MYO1E: variants seen among roughly 807,000 people sequenced by gnomAD.
MYO1E encodes myosin IE, also known as unconventional myosin-Ie.
Under a neutral mutation model 151.1 loss-of-function variants are expected in MYO1E, and 68 were observed. That is an observed-to-expected ratio of 0.45 (90% CI 0.37 to 0.55). MYO1E has a LOEUF of 0.55. Among genes scored for constraint, MYO1E ranks in the 20% least tolerant of loss-of-function variants. The pLI is 0.00. For missense variants in MYO1E, 1,363 were observed against 1,389.3 expected (o/e 0.98, Z 0.30); for synonymous variants, 601 against 501.7 (o/e 1.20, Z -2.64).
chr15:59,211,743 G>A (rs1438718238), intron 12 of MYO1E, among the ~76,000 whole-genome samples: 5 of 152,020 alleles, frequency 3.3e-5, no homozygotes, highest in Admixed American at 6.6e-5. Context: ...AGAATCACCC[G>A]TGATTGCTCT....
intron 14 of MYO1E, chr15:59,207,155 T>A: frequency 6.2e-7 from 1 of 1,614,156 alleles, no homozygotes; most frequent in Non-Finnish European, 8.5e-7. Context: ...CACAGTAAGG[T>A]CTCCATCATA....
Position 59,161,238 on chromosome 15 carries a change from A to G in MYO1E, c.2628-8T>C, listed in dbSNP as rs373053697. On this transcript the variant is annotated splice_region_variant and splice_polypyrimidine_tract_variant and intron_variant, in intron 23 of 27. Coordinates refer to ENST00000288235, the MANE Select transcript of MYO1E (RefSeq NM_004998.4). ...TTCAACTTCAGTTCAAGCCTGCAAA[A>G]AGCACAGTGGGGTTAACAGGTCGAA... 51 of 1,613,478 alleles carry G rather than the reference A, an allele frequency of 3.2e-5. No individual in the cohort carries two copies. In the African/African-American group the frequency reaches 6.7e-4, roughly 21 times the overall value.
chr15:59,215,239 G>C (rs1366455560), intron 10 of MYO1E, among the ~76,000 whole-genome samples: 1 of 152,122 alleles, frequency 6.6e-6, no homozygotes, highest in Non-Finnish European at 1.5e-5. Flanking sequence ...CATTATTTTT[G>C]AATTGATAAT....
chr15:59,356,454 T>G (rs757913858), intron 1 of MYO1E, among the ~76,000 whole-genome samples: 8 of 152,296 alleles, frequency 5.3e-5, no homozygotes, highest in Middle Eastern at 3.4e-3. Flanking sequence ...TTTTTTGGAG[T>G]AGATTTTAAG....
rs561210180 is a variant in MYO1E at position 59,176,443 on chromosome 15, T to C, written c.2049+1950A>G. On this transcript the variant is annotated intron_variant, in intron 19 of 27. Coordinates refer to ENST00000288235, the MANE Select transcript of MYO1E (RefSeq NM_004998.4). ...AGGTGAAACCACATGGTAGGTTTTC[T>C]TTTTCCTTTTTTTTTTTTTTTTCTT... Among the ~76,000 whole-genome samples the C allele has an allele frequency of 8.1e-3, 574 of 70,990 alleles. 1 individual carries two copies. Among genetic ancestry groups the C allele is most frequent in the Non-Finnish European group, 0.012 (472 of 39,868 alleles). 46.6% of individuals were successfully genotyped at this position (70,990 alleles called of 152,430 possible). A position where few individuals can be genotyped will look rare whatever the true frequency, so the allele number is the denominator to read the frequency against.
intron 26 of MYO1E, among the ~76,000 whole-genome samples, chr15:59,149,725 G>C (rs1262161678): frequency 6.6e-6 from 1 of 152,152 alleles, no homozygotes; most frequent in East Asian, 1.9e-4. Context: ...TACAGAAAAA[G>C]TGCACTGAGG....
intron 21 of MYO1E, among the ~76,000 whole-genome samples, chr15:59,172,620 A>C (rs2079602314): frequency 6.6e-6 from 1 of 152,228 alleles, no homozygotes; most frequent in Non-Finnish European, 1.5e-5. Context: ...ACATATCAGG[A>C]CAGCAGGTGT....
intron 10 of MYO1E, among the ~76,000 whole-genome samples, chr15:59,215,186 CGCTTAT>C (rs1254348764): frequency 6.6e-6 from 1 of 152,010 alleles, no homozygotes; most frequent in African/African-American, 2.4e-5. Context: ...TGTTCCTAGG[CGCTTAT>C]AGAGAGGGTG....
At chr15:59,313,232 G>T (rs1229855598) in intron 1 of MYO1E, among the ~76,000 whole-genome samples, 1 of 152,096 alleles carries the variant, frequency 6.6e-6, no homozygotes, top group Non-Finnish European at 1.5e-5. Flanking sequence ...AACCCAAATG[G>T]GGGTCCACAT....
chr15:59,187,420 G>A (rs1332892725), intron 18 of MYO1E, among the ~76,000 whole-genome samples: 6 of 152,178 alleles, frequency 3.9e-5, no homozygotes, highest in Non-Finnish European at 8.8e-5. Flanking sequence ...AGGATGGTTA[G>A]AAAATAACTT....
chr15:59,221,568 A>C (rs1244414354), intron 9 of MYO1E, among the ~76,000 whole-genome samples: 4 of 152,168 alleles, frequency 2.6e-5, no homozygotes, highest in Non-Finnish European at 5.9e-5. Context: ...AAAACCCCAA[A>C]TCAAAGGAAA....
At chr15:59,223,393 G>A (rs2079968544) in intron 8 of MYO1E, among the ~76,000 whole-genome samples, 2 of 151,744 alleles carry the variant, frequency 1.3e-5, no homozygotes, top group African/African-American at 2.4e-5. Context: ...ACAGCAGGAC[G>A]TTCTTGTACA....
At chr15:59,324,250 T>A (rs1393307486) in intron 1 of MYO1E, among the ~76,000 whole-genome samples, 4 of 151,992 alleles carry the variant, frequency 2.6e-5, no homozygotes, top group Non-Finnish European at 4.4e-5. Flanking sequence ...TCTGCAAGCA[T>A]CCAAAAGTGC....
At chr15:59,304,656 T>C (rs2080504011) in intron 1 of MYO1E, among the ~76,000 whole-genome samples, 4 of 152,224 alleles carry the variant, frequency 2.6e-5, no homozygotes, top group Admixed American at 2.6e-4. Flanking sequence ...CTATGCTCTG[T>C]TGCATCCTTA....
rs1036473071 is a variant in MYO1E at position 59,261,421 on chromosome 15, G to C, written c.236C>G (p.Ala79Gly). ...GEKEIEMYQG[A>G]AQYENPPHIY... ...TAATTTATGTGACACGTAACTTACC[G>C]CTCCTTGGTACATTTCAATTTCCTT... Residue 79 changes from alanine to glycine, a missense_variant and splice_region_variant, in exon 3 of 28, where the codon GCG (alanine) becomes GGG (glycine). By Grantham distance (60) the Ala-to-Gly change is moderately conservative. Transcript: ENST00000288235. 6.2e-7 allele frequency: 1 copy of C among 1,601,812 alleles called. No individual in the cohort carries two copies. The highest frequency in any genetic ancestry group is 1.7e-5 in the Admixed American group (1 of 59,960).
At chr15:59,246,447 A>C (rs1453983362) in intron 4 of MYO1E, among the ~76,000 whole-genome samples, 3 of 152,150 alleles carry the variant, frequency 2.0e-5, no homozygotes, top group African/African-American at 4.8e-5. Flanking sequence ...TTGCTGTTGC[A>C]TTTTTCTGTT....
At chr15:59,242,212 C>T (rs1211616693) in intron 4 of MYO1E, among the ~76,000 whole-genome samples, 1 of 152,208 alleles carries the variant, frequency 6.6e-6, no homozygotes, top group African/African-American at 2.4e-5. Flanking sequence ...AAAATTGACA[C>T]ACTTTTTGTT....
chr15:59,337,990 T>TC (rs1482879595), intron 1 of MYO1E, among the ~76,000 whole-genome samples: 3 of 152,212 alleles, frequency 2.0e-5, no homozygotes, highest in African/African-American at 7.2e-5. Context: ...CTCCTTTTTT[T>TC]CCTCCTACTC....
intron 26 of MYO1E, among the ~76,000 whole-genome samples, chr15:59,152,719 G>A (rs144092199): frequency 1.3e-5 from 2 of 152,194 alleles, no homozygotes; most frequent in African/African-American, 2.4e-5. Flanking sequence ...CAAGGAAACT[G>A]AAGCTCAGAG....
Sources: gnomAD v4.1 joint callset for allele counts (sites outside exome capture counted in the v4.1 genomes callset) on GRCh38, gnomAD v4.1.1 for gene constraint, MANE v1.5 for transcripts, NCBI Gene and HGNC (gene_info 2026-07-23, HGNC 2026-07-21) for gene names.